ATG4D: variants seen among roughly 807,000 people sequenced by gnomAD.
ATG4D encodes autophagy related 4D cysteine peptidase.
In ATG4D, 51 loss-of-function variants were observed where a neutral mutation model predicts 55.2. The ratio of observed to expected loss-of-function variants is 0.92; its 90% CI spans 0.74 to 1.17. The LOEUF is 1.17. Ranked by LOEUF, ATG4D falls within the 50% of genes most tolerant of loss-of-function variation. The pLI, the probability that ATG4D is intolerant of heterozygous loss-of-function variation, is 0.00. For missense variants in ATG4D, 635 were observed against 649.6 expected (o/e 0.98, Z 0.25); for synonymous variants, 268 against 266.2 (o/e 1.01, Z -0.07).
chr19:10,553,097 CTA>C lies in ATG4D; in HGVS notation c.*32_*33del. 1 of 1,561,108 alleles carries C rather than the reference CTA, an allele frequency of 6.4e-7. No homozygotes were observed. The highest frequency in any genetic ancestry group is 1.1e-5 in the South Asian group (1 of 88,978). On this transcript the variant is annotated 3_prime_UTR_variant, in exon 10 of 10. Transcript: ENST00000309469. ...AGGGGATGAGGGGAAAGATACAACA[CTA>C]TTTATTTTTTTATTTATGTCATGTC...
chr19:10,553,197 C>T lies in ATG4D; in HGVS notation c.*130C>T, dbSNP rs982508886. 3 of 1,151,318 alleles carry T rather than the reference C, an allele frequency of 2.6e-6. No homozygotes were observed. The highest frequency in any genetic ancestry group is 3.1e-5 in the African/African-American group (2 of 64,036). The allele number at this position is 1,151,318 out of a possible 1,614,324, so 71.3% of individuals were successfully genotyped here. A position where few individuals can be genotyped will look rare whatever the true frequency, so the allele number is the denominator to read the frequency against. ...TCAGCCCCTCAAGCCCAGCTGCAAC[C>T]AGTCTGGGGCCATTCAGCCAGGGAC... On this transcript the variant is annotated 3_prime_UTR_variant, in exon 10 of 10. Coordinates refer to ENST00000309469, the MANE Select transcript of ATG4D (RefSeq NM_032885.6).
intron 5 of ATG4D, among the ~76,000 whole-genome samples, chr19:10,548,510 A>G (rs908662243): frequency 6.6e-6 from 1 of 152,032 alleles, no homozygotes; most frequent in Admixed American, 6.6e-5. Flanking sequence ...AGGAGGAGGG[A>G]CATACCAGGA....
rs1916345666 is a variant in ATG4D, at chr19:10,553,056, G to A, written c.1414G>A (p.Val472Met). ...RAKRPSSEDF[V>M]FL Reference sequence around the variant, plus strand: ...CAAACGCCCCAGCTCTGAGGACTTTGTGTTTTTATAAAGGGAGGGGATGAG... The same window carrying A: ...CAAACGCCCCAGCTCTGAGGACTTTATGTTTTTATAAAGGGAGGGGATGAG... The change falls in exon 10 of 10, where the codon GTG becomes ATG. Residue 472 changes from valine to methionine, a missense_variant. Physicochemically the swap from Val to Met is conservative, Grantham distance 21. Coordinates refer to ENST00000309469, the MANE Select transcript of ATG4D (RefSeq NM_032885.6). 6.3e-7 allele frequency: 1 copy of A among 1,599,840 alleles called. No homozygotes were observed. Among genetic ancestry groups the A allele is most frequent in the Non-Finnish European group, 8.5e-7 (1 of 1,174,164 alleles).
At chr19:10,548,770 A>T in intron 5 of ATG4D, 134 bp from the exon 6 acceptor site, 2 of 1,319,304 alleles carry the variant, frequency 1.5e-6, no homozygotes, top group East Asian at 4.7e-5. Flanking sequence ...CACTAGAATG[A>T]TGATTTTGGT....
chr19:10,544,038 G>A lies in ATG4D; in HGVS notation c.-53G>A. 1.7e-6 allele frequency: 2 copies of A among 1,187,990 alleles called. No individual in the cohort carries two copies. Among genetic ancestry groups the A allele is most frequent in the Non-Finnish European group, 2.1e-6 (2 of 949,076 alleles). The allele number at this position is 1,187,990 out of a possible 1,614,324, so 73.6% of individuals were successfully genotyped here. A position where few individuals can be genotyped will look rare whatever the true frequency, so the allele number is the denominator to read the frequency against. On this transcript the variant is annotated 5_prime_UTR_variant, in exon 1 of 10. Coordinates refer to ENST00000309469, the MANE Select transcript of ATG4D (RefSeq NM_032885.6). Reference sequence around the variant, plus strand: ...ACCGGCTGCGGGTCGCCCTTGGGGGGCAGCGGCCGCAGCCCCCCACCTGGG... The same window carrying A: ...ACCGGCTGCGGGTCGCCCTTGGGGGACAGCGGCCGCAGCCCCCCACCTGGG...
intron 6 of ATG4D, among the ~76,000 whole-genome samples, chr19:10,551,666 C>G (rs1363057902): frequency 6.8e-6 from 1 of 147,952 alleles, no homozygotes; most frequent in African/African-American, 2.5e-5. Context: ...CCACTGCACT[C>G]CAGGCTGGGT....
chr19:10,552,772 T>C, intron 9 of ATG4D, 113 bp from the exon 10 acceptor site: 1 of 1,148,624 alleles, frequency 8.7e-7, no homozygotes, highest in South Asian at 1.5e-5. Flanking sequence ...AGGTGCTGAT[T>C]GGCTGCTCTC....
At chr19:10,552,348 G>T in intron 9 of ATG4D, 24 bp downstream of exon 9, 1 of 1,601,136 alleles carries the variant, frequency 6.2e-7, no homozygotes, top group Non-Finnish European at 8.5e-7. Flanking sequence ...AAGCTGGAGT[G>T]GGGTGAGGGG....
In ATG4D at chr19:10,543,912, C is replaced by A; in HGVS notation, c.-179C>A. Reference sequence around the variant, plus strand: ...GCCCACCGTCATCCGGGGTCCTGGCCCGCTAAGATGGCGATGGCTGCGGTA... The same window carrying A: ...GCCCACCGTCATCCGGGGTCCTGGCACGCTAAGATGGCGATGGCTGCGGTA... On this transcript the variant is annotated 5_prime_UTR_variant, in exon 1 of 10. Coordinates refer to ENST00000309469, the MANE Select transcript of ATG4D (RefSeq NM_032885.6). The A allele has an allele frequency of 2.5e-6, 1 of 398,402 alleles. No individual in the cohort carries two copies. The highest frequency in any genetic ancestry group is 4.3e-6 in the Non-Finnish European group (1 of 232,426). 24.7% of individuals were successfully genotyped at this position (398,402 alleles called of 1,614,324 possible). A position where few individuals can be genotyped will look rare whatever the true frequency, so the allele number is the denominator to read the frequency against.
intron 6 of ATG4D, among the ~76,000 whole-genome samples, chr19:10,551,419 G>C (rs1224734129): frequency 6.6e-6 from 1 of 151,888 alleles, no homozygotes; most frequent in Non-Finnish European, 1.5e-5. Flanking sequence ...CCAAGATCGT[G>C]CTACTGCACT....
chr19:10,544,359 G>A (rs771893874), intron 1 of ATG4D, 34 bp downstream of exon 1: 5 of 1,292,436 alleles, frequency 3.9e-6, no homozygotes, highest in African/African-American at 3.0e-5. Flanking sequence ...TGGGGGTGTC[G>A]GGGGCCGTTG....
chr19:10,552,053 C>T lies in ATG4D; in HGVS notation c.1054C>T (p.Leu352=). The T allele has an allele frequency of 6.2e-7, 1 of 1,612,128 alleles. No individual in the cohort carries two copies. The change falls in exon 8 of 10, where the codon CTG becomes TTG. Residue 352 remains leucine (L), a synonymous_variant. Transcript: ENST00000309469. ...LYFIGYQDDF[L]LYLDPHYCQP... ...ACCTGCACCCCCTGCAGATGACTTCCTGCTGTACCTGGACCCTCACTACTG... is the reference window on the plus strand; with the variant it reads ...ACCTGCACCCCCTGCAGATGACTTCTTGCTGTACCTGGACCCTCACTACTG...
intron 9 of ATG4D, 90 bp downstream of exon 9, chr19:10,552,414 GCTGGGGTGCTGCTTC>G: frequency 6.8e-7 from 1 of 1,463,504 alleles, no homozygotes; most frequent in East Asian, 2.4e-5. Flanking sequence ...GTCCAGCAGA[GCTGGGGTGCTGCTTC>G]CAGGCTAGGG....
chr19:10,547,746 C>G (rs1365377002), intron 5 of ATG4D, among the ~76,000 whole-genome samples: 93 of 149,756 alleles, frequency 6.2e-4, no homozygotes, highest in South Asian at 2.0e-3. Context: ...ACCCAGGCTT[C>G]AGTGCAGAGG....
Position 10,552,035 on chromosome 19 carries a change from C to A in ATG4D, c.1046-10C>A, listed in dbSNP as rs1199573088. The A allele has an allele frequency of 4.3e-6, 7 of 1,612,214 alleles. No homozygotes were observed. Among genetic ancestry groups the A allele is most frequent in the African/African-American group, 1.3e-5 (1 of 74,734 alleles). Reference sequence around the variant, plus strand: ...CACCGCACCCCCACTCACACCTGCACCCCCTGCAGATGACTTCCTGCTGTA... The same window carrying A: ...CACCGCACCCCCACTCACACCTGCAACCCCTGCAGATGACTTCCTGCTGTA... On this transcript the variant is annotated splice_polypyrimidine_tract_variant and intron_variant, in intron 7 of 9. Transcript: ENST00000309469.
In ATG4D at chr19:10,547,008, C is replaced by G. The variant is rs1297503466; in HGVS notation, c.663C>G (p.Asp221Glu). Residue 221 changes from aspartate (D) to glutamate (E), a missense_variant, in exon 4 of 10, where the codon GAC (aspartate) becomes GAG (glutamate). Transcript: ENST00000309469. ...RHRQIVSWFA[D>E]HPRAPFGLHR... ...GGCAGATTGTGTCCTGGTTCGCCGA[C>G]CACCCCCGGGCCCCCTTTGGCCTAC... 6.3e-7 allele frequency: 1 copy of G among 1,588,818 alleles called. No individual in the cohort carries two copies. The highest frequency in any genetic ancestry group is 1.8e-5 in the Admixed American group (1 of 54,170).
chr19:10,544,936 C>G, intron 2 of ATG4D, 21 bp from the exon 3 acceptor site: 1 of 1,580,154 alleles, frequency 6.3e-7, no homozygotes, highest in Non-Finnish European at 8.6e-7. Flanking sequence ...CTGGTGGCAG[C>G]TGACAGACCC....
rs774622329 is a variant in ATG4D, at chr19:10,551,907, G to C, written c.977G>C (p.Arg326Pro). The C allele has an allele frequency of 3.1e-6, 5 of 1,613,920 alleles. No homozygotes were observed. The highest frequency in any genetic ancestry group is 4.2e-6 in the Non-Finnish European group (5 of 1,179,996). Residue 326 changes from arginine (R) to proline (P), a missense_variant, in exon 7 of 10, where the codon CGT (arginine) becomes CCT (proline). By Grantham distance (103) the Arg-to-Pro change is moderately radical (BLOSUM62 -2). Transcript: ENST00000309469. Reference sequence around the variant, plus strand: ...CCCTCCTCCCTGCAGGAACTCCTGCGTTGCGAGCTGTGCCTGGGCATCATG... The same window carrying C: ...CCCTCCTCCCTGCAGGAACTCCTGCCTTGCGAGCTGTGCCTGGGCATCATG... ...VYVPCVKELL[R>P]CELCLGIMGG...
chr19:10,547,196 G>A lies in ATG4D; in HGVS notation c.778G>A (p.Val260Met), dbSNP rs757360354. 2 of 1,614,016 alleles carry A rather than the reference G, an allele frequency of 1.2e-6. No homozygotes were observed. The highest frequency in any genetic ancestry group is 2.2e-5 in the East Asian group (1 of 44,882). Residue 260 changes from valine to methionine, a missense_variant, in exon 5 of 10, where the codon GTG becomes ATG. Transcript: ENST00000309469. ...CTTCCCTCCTGCCCCCAGGAAAGCC[G>A]TGGAGAGCTGCTCCGACGTCACCCG... ...SLVAHILRKA[V>M]ESCSDVTRLV...
Sources: gnomAD v4.1 joint callset for allele counts (sites outside exome capture counted in the v4.1 genomes callset) on GRCh38, gnomAD v4.1.1 for gene constraint, MANE v1.5 for transcripts, NCBI Gene and HGNC (gene_info 2026-07-23, HGNC 2026-07-21) for gene names.